The following BPIFB3 variants were observed in gnomAD, a reference collection of about 807,000 sequenced individuals.
BPIFB3 encodes BPI fold-containing family B member 3.
A neutral mutation model predicts 53.1 loss-of-function variants in BPIFB3; 49 were observed. That is an observed-to-expected ratio of 0.92 (90% confidence interval 0.73 to 1.17). BPIFB3 has a LOEUF of 1.17. BPIFB3 is among the 50% of genes most tolerant of loss of function. The probability of loss-of-function intolerance (pLI) is 0.00; values close to 1 mark genes in which losing one functional copy is unlikely to be tolerated. For synonymous variants in BPIFB3, 271 were observed against 269.6 expected (o/e 1.01, Z -0.05); for missense variants, 628 against 592.5 (o/e 1.06, Z -0.62).
exon 8 of BPIFB3, chr20:33,064,714 C>A (rs376328599): frequency 1.2e-6 from 2 of 1,614,070 alleles, no homozygotes; most frequent in Non-Finnish European, 1.7e-6. Flanking sequence ...CCCCAAGTCC[C>A]GTGCCCCAGC....
intron 5 of BPIFB3, 151 bp downstream of exon 6, chr20:33,061,982 C>A: frequency 1.1e-6 from 1 of 891,842 alleles, no homozygotes; most frequent in Non-Finnish European, 1.7e-6. Context: ...TGCTGACCGG[C>A]CTTCCTGGCG....
intron 2 of BPIFB3, among the ~76,000 whole-genome samples, chr20:33,058,280 G>A (rs139913355): frequency 6.6e-6 from 1 of 152,182 alleles, no homozygotes; most frequent in Non-Finnish European, 1.5e-5. Context: ...GGAACATAAT[G>A]TCCGGAAAGC....
chr20:33,064,360 C>A, intron 6 of BPIFB3, 97 bp from the exon 8 acceptor site: 1 of 977,864 alleles, frequency 1.0e-6, no homozygotes, highest in Admixed American at 1.9e-5. Context: ...TAGTAGAGTG[C>A]TAGGCATTCA....
chr20:33,072,653 G>A, intron 13 of BPIFB3, 64 bp from the exon 15 acceptor site: 1 of 1,400,484 alleles, frequency 7.1e-7, no homozygotes. Context: ...AGGGTCCGAG[G>A]GTTCCTAGGG....
Position 33,071,236 on chromosome 20 carries a change from T to A in BPIFB3, c.1218-17T>A. 1.3e-6 allele frequency: 2 copies of A among 1,558,452 alleles called. No homozygotes were observed. The highest frequency in any genetic ancestry group is 1.7e-6 in the Non-Finnish European group (2 of 1,150,088). ...TGGGGGTAGCGGGGGCCCCAGCATC[T>A]CTCTTCTCTCCACCAGGCTCAGTGT... On this transcript the variant is annotated splice_polypyrimidine_tract_variant and intron_variant, in intron 11 of 14. Coordinates refer to ENST00000375494, the Ensembl canonical transcript of BPIFB3.
Position 33,066,054 on chromosome 20 carries a change from G to A in BPIFB3, c.925-770G>A, listed in dbSNP as rs145856640. 5.8e-4 allele frequency among the ~76,000 whole-genome samples: 88 copies of A among 152,328 alleles called. No homozygotes were observed. In the East Asian group the frequency reaches 0.014, roughly 24 times the overall value. ...ATATGAGCATCGTGGCAAGAGAGAG[G>A]AATGTCAGAGGCCTCGTCCTGGTGC... is the stretch of plus-strand genomic sequence containing the variant. On this transcript the variant is annotated intron_variant, in intron 8 of 14. Transcript: ENST00000375494.
intron 2 of BPIFB3, among the ~76,000 whole-genome samples, chr20:33,057,782 T>C (rs1238025477): frequency 6.7e-6 from 1 of 149,814 alleles, no homozygotes; most frequent in Admixed American, 6.6e-5. Context: ...AATGTTTTCC[T>C]AAACATAGGA....
chr20:33,055,412 C>T, upstream of BPIFB3: 1 of 1,613,054 alleles, frequency 6.2e-7, no homozygotes, highest in East Asian at 2.2e-5. Flanking sequence ...CCTCCTTCTG[C>T]TCCTTATAGG....
exon 14 of BPIFB3, chr20:33,072,768 C>G (rs769149898): frequency 6.2e-7 from 1 of 1,613,692 alleles, no homozygotes; most frequent in Non-Finnish European, 8.5e-7. Context: ...ATCAATTTTT[C>G]CAATTCAGTT....
At position 33,066,820 on chromosome 20, in the gene BPIFB3, C is replaced by A; in HGVS notation, c.925-4C>A. ...ACCAACCCTCTCTCCCATTGGGGGTCCAGGTTCCCAGCGATGTCCCACTGA... is the reference window on the plus strand; with the variant it reads ...ACCAACCCTCTCTCCCATTGGGGGTACAGGTTCCCAGCGATGTCCCACTGA... On this transcript the variant is annotated splice_region_variant and splice_polypyrimidine_tract_variant and intron_variant, in intron 8 of 14. Transcript: ENST00000375494. 1.2e-6 allele frequency: 2 copies of A among 1,614,134 alleles called. No individual in the cohort carries two copies. The highest frequency in any genetic ancestry group is 8.5e-7 in the Non-Finnish European group (1 of 1,179,966).
intron 12 of BPIFB3, 143 bp from the exon 14 acceptor site, chr20:33,071,961 G>A (rs1980916981): frequency 1.3e-6 from 1 of 777,158 alleles, no homozygotes; most frequent in Non-Finnish European, 2.2e-6. Flanking sequence ...AGTGCCCAGT[G>A]CCTGCCAGGA....
chr20:33,060,787 A>T (rs1025104663), intron 4 of BPIFB3, among the ~76,000 whole-genome samples: 1 of 151,924 alleles, frequency 6.6e-6, no homozygotes, highest in Non-Finnish European at 1.5e-5. Context: ...CTGGTCTCGA[A>T]CTCCTGACCT....
chr20:33,064,759 G>T lies in BPIFB3; in HGVS notation c.838G>T (p.Val280Leu), dbSNP rs781437452. 3.1e-6 allele frequency: 5 copies of T among 1,614,114 alleles called. No individual in the cohort carries two copies. In the South Asian group the frequency reaches 4.4e-5, roughly 14 times the overall value. ...CCCCAAGAAGGACCACACATCCCAGGTGATGGTGCCACTGTACCTCTTCAA... is the reference window on the plus strand; with the variant it reads ...CCCCAAGAAGGACCACACATCCCAGTTGATGGTGCCACTGTACCTCTTCAA... The change falls in exon 8 of 15, where the codon GTG becomes TTG. Residue 280 changes from valine to leucine, a missense_variant. By Grantham distance (32) the Val-to-Leu change is conservative. Coordinates refer to ENST00000375494, the Ensembl canonical transcript of BPIFB3.
chr20:33,054,592 G>A (rs1380744786), upstream of BPIFB3, among the ~76,000 whole-genome samples: 2 of 152,152 alleles, frequency 1.3e-5, no homozygotes, highest in Admixed American at 6.5e-5. Context: ...AAGGCCCTGG[G>A]GTGGGAAGGG....
chr20:33,059,272 C>T, intron 2 of BPIFB3, 106 bp from the exon 4 acceptor site: 1 of 738,324 alleles, frequency 1.4e-6, no homozygotes, highest in Non-Finnish European at 2.3e-6. Context: ...GCAGCTGGCT[C>T]TGTGGGTTTG....
chr20:33,067,078 G>A (rs937461865), intron 9 of BPIFB3, among the ~76,000 whole-genome samples: 1 of 152,218 alleles, frequency 6.6e-6, no homozygotes, highest in Admixed American at 6.5e-5. Flanking sequence ...ATTAGGGCTT[G>A]ACTGCCCCAG....
chr20:33,068,099 T>A lies in BPIFB3; in HGVS notation c.979-704T>A, dbSNP rs566304680. Among the ~76,000 whole-genome samples, 69 of 152,286 alleles carry A rather than the reference T, an allele frequency of 4.5e-4. 2 individuals carry two copies. The South Asian group carries it at 0.013, about 28-fold the overall frequency. On this transcript the variant is annotated intron_variant, in intron 9 of 14. Transcript: ENST00000375494. ...ACCTACTGTGTAACAGGCCCTGCAATGGAACAAGGGCATACCTGCAGCTGG... is the reference window on the plus strand; with the variant it reads ...ACCTACTGTGTAACAGGCCCTGCAAAGGAACAAGGGCATACCTGCAGCTGG...
At chr20:33,061,891 C>T in intron 5 of BPIFB3, 60 bp downstream of exon 6, 2 of 1,591,632 alleles carry the variant, frequency 1.3e-6, no homozygotes, top group Non-Finnish European at 1.7e-6. Flanking sequence ...CTTTCCCCCT[C>T]TGGTTTTGGG....
intron 1 of BPIFB3, 54 bp from the exon 3 acceptor site, chr20:33,056,488 C>T (rs1980209803): frequency 6.2e-7 from 1 of 1,601,996 alleles, no homozygotes; most frequent in South Asian, 1.1e-5. Flanking sequence ...CTGCCATGGT[C>T]CTGGGGGTGA....
Sources: allele counts gnomAD v4.1 joint callset (sites outside exome capture counted in the v4.1 genomes callset), GRCh38; gene constraint gnomAD v4.1.1; transcripts MANE v1.5; gene names NCBI Gene and HGNC (gene_info 2026-07-23, HGNC 2026-07-21).